Variants in CALN1 observed in about 807,000 individuals in gnomAD.
CALN1 encodes the protein calcium-binding protein 8.
CALN1 carries 17 observed loss-of-function variants against 30.6 expected under a neutral mutation model. That is an observed-to-expected ratio of 0.56 (90% confidence interval 0.38 to 0.83). The LOEUF (loss-of-function observed/expected upper bound fraction) is 0.83, where lower values mean the gene tolerates loss of function less well. Ranked by LOEUF, CALN1 falls within the 40% of genes least tolerant of loss-of-function variation. The pLI is 0.00. For synonymous variants in CALN1, 156 were observed against 131.4 expected (o/e 1.19, Z -1.28); for missense variants, 291 against 354.9 (o/e 0.82, Z 1.45).
At chr7:71,972,429 A>G (rs1271447178) in intron 5 of CALN1, among the ~76,000 whole-genome samples, 1 of 152,164 alleles carries the variant, frequency 6.6e-6, no homozygotes, top group African/African-American at 2.4e-5. Flanking sequence ...GTTTTAGTTT[A>G]TATCTGAAAG....
chr7:71,860,922 G>A (rs904072093), intron 5 of CALN1, among the ~76,000 whole-genome samples: 10 of 152,096 alleles, frequency 6.6e-5, no homozygotes, highest in African/African-American at 1.4e-4. Context: ...ATGATCCCAC[G>A]GAGAACTCTC....
the CALN1 span, among the ~76,000 whole-genome samples, chr7:72,468,362 G>T: frequency 6.6e-6 from 1 of 152,128 alleles, no homozygotes; most frequent in African/African-American, 2.4e-5. Flanking sequence ...CACACAGGCT[G>T]GAGTGCAGAG....
At chr7:72,266,448 T>C (rs1256041066) in intron 3 of CALN1, among the ~76,000 whole-genome samples, 2 of 152,212 alleles carry the variant, frequency 1.3e-5, no homozygotes, top group Admixed American at 6.5e-5. Context: ...ATCAGGTAAC[T>C]GGTGTTTAAC....
intron 3 of CALN1, among the ~76,000 whole-genome samples, chr7:72,149,812 C>G (rs769847979): frequency 2.6e-5 from 4 of 152,082 alleles, no homozygotes; most frequent in Non-Finnish European, 4.4e-5. Context: ...ACAGGCACTG[C>G]TATAGGAGTT....
At chr7:72,403,717 G>A (rs1346612651) in intron 1 of CALN1, among the ~76,000 whole-genome samples, 2 of 152,158 alleles carry the variant, frequency 1.3e-5, no homozygotes, top group East Asian at 1.9e-4. Flanking sequence ...TCGTACCCCC[G>A]TGGGCATTGC....
intron 3 of CALN1, among the ~76,000 whole-genome samples, chr7:72,175,815 A>C (rs1282363844): frequency 6.6e-6 from 1 of 152,188 alleles, no homozygotes; most frequent in African/African-American, 2.4e-5. Context: ...ACAGTAAATC[A>C]CAAATAAAAC....
At position 72,263,443 on chromosome 7, in the gene CALN1, T is replaced by C. The variant is rs75543734; in HGVS notation, c.244+15243A>G. The stretch of plus-strand genomic sequence containing the variant: ...CAGGGACTCACTCTGTCATCCAAGC[T>C]GGAGTTCAATGACATGATCGTGGCT... On this transcript the variant is annotated intron_variant, in intron 3 of 6. Transcript: ENST00000395275. 2.5e-3 allele frequency among the ~76,000 whole-genome samples: 385 copies of C among 152,278 alleles called. 10 individuals carry two copies. The East Asian group carries it at 0.071, about 28-fold the overall frequency.
At chr7:72,328,862 G>T (rs1366376701) in intron 2 of CALN1, among the ~76,000 whole-genome samples, 1 of 152,132 alleles carries the variant, frequency 6.6e-6, no homozygotes, top group Non-Finnish European at 1.5e-5. Context: ...TGCCCAGCTA[G>T]TTTTTTATAT....
intron 3 of CALN1, among the ~76,000 whole-genome samples, chr7:72,125,641 G>T (rs1287025029): frequency 2.0e-5 from 3 of 152,036 alleles, no homozygotes; most frequent in South Asian, 2.1e-4. Flanking sequence ...TGGGGAACAG[G>T]TGGGTTTTGT....
At chr7:71,840,321 C>T (rs575359340) in intron 5 of CALN1, among the ~76,000 whole-genome samples, 21 of 151,768 alleles carry the variant, frequency 1.4e-4, no homozygotes, top group African/African-American at 4.6e-4. Flanking sequence ...CCCGTCTCCA[C>T]AAAAAATTTA....
At chr7:71,910,379 AG>A (rs979396761) in intron 5 of CALN1, among the ~76,000 whole-genome samples, 2 of 152,172 alleles carry the variant, frequency 1.3e-5, no homozygotes, top group African/African-American at 4.8e-5. Flanking sequence ...CTAACTTCCA[AG>A]GGTTGGGGAG....
chr7:72,008,040 A>G (rs1044624189), intron 5 of CALN1, among the ~76,000 whole-genome samples: 1 of 152,212 alleles, frequency 6.6e-6, no homozygotes, highest in Non-Finnish European at 1.5e-5. Flanking sequence ...AAATGAGGAC[A>G]TTCATGATTT....
intron 2 of CALN1, among the ~76,000 whole-genome samples, chr7:72,298,893 C>T (rs1799051651): frequency 6.6e-6 from 1 of 152,000 alleles, no homozygotes; most frequent in South Asian, 2.1e-4. Flanking sequence ...TCGTGACTTG[C>T]TCCTCCTTGC....
At chr7:72,203,650 A>T (rs1387856956) in intron 3 of CALN1, among the ~76,000 whole-genome samples, 1 of 151,880 alleles carries the variant, frequency 6.6e-6, no homozygotes, top group African/African-American at 2.4e-5. Context: ...TCTCTATTTC[A>T]CTCTAATTAG....
At chr7:72,301,610 CAA>C (rs34940935) in intron 2 of CALN1, among the ~76,000 whole-genome samples, 2 of 104,320 alleles carry the variant, frequency 1.9e-5, no homozygotes, top group Admixed American at 1.2e-4. Flanking sequence ...CTTTGTCTCT[CAA>C]AAAAAAAAAA....
chr7:72,257,304 G>A (rs758119051), intron 3 of CALN1, among the ~76,000 whole-genome samples: 5 of 152,124 alleles, frequency 3.3e-5, no homozygotes, highest in Admixed American at 6.5e-5. Context: ...TGAGGTTTGG[G>A]TGGGGATACA....
intron 5 of CALN1, among the ~76,000 whole-genome samples, chr7:71,957,933 C>T (rs1397989264): frequency 6.6e-6 from 1 of 151,616 alleles, no homozygotes; most frequent in Non-Finnish European, 1.5e-5. Context: ...GGCGTGGTGG[C>T]ATGCACCTGT....
chr7:72,372,538 G>T (rs1483877795), intron 2 of CALN1, among the ~76,000 whole-genome samples: 2 of 152,048 alleles, frequency 1.3e-5, no homozygotes, highest in African/African-American at 4.8e-5. Flanking sequence ...TAAATATTTG[G>T]GCTCAATTTC....
chr7:72,336,759 G>C (rs1379416541), intron 2 of CALN1: 5 of 985,150 alleles, frequency 5.1e-6, no homozygotes, highest in South Asian at 4.7e-5. Flanking sequence ...CGCACAGCGC[G>C]GGGGGCTTCC....
Sources: gnomAD v4.1 joint callset for allele counts (sites outside exome capture counted in the v4.1 genomes callset) on GRCh38, gnomAD v4.1.1 for gene constraint, MANE v1.5 for transcripts, NCBI Gene and HGNC (gene_info 2026-07-23, HGNC 2026-07-21) for gene names.